LRRC7: variants seen among roughly 807,000 people sequenced by gnomAD.
LRRC7 encodes leucine rich repeat containing 7.
In LRRC7, 23 loss-of-function variants were observed where a neutral mutation model predicts 175.7. The ratio of observed to expected loss-of-function variants is 0.13; its 90% confidence interval spans 0.09 to 0.19. The LOEUF (loss-of-function observed/expected upper bound fraction) is 0.19. LRRC7 is among the 10% of genes least tolerant of loss of function. The pLI is 1.00. For synonymous variants in LRRC7, 685 were observed against 680.9 expected, an observed-to-expected ratio of 1.01 and a Z score of -0.09; for missense variants, 1,354 against 1,904.7, an observed-to-expected ratio of 0.71 and a Z score of 5.38.
intron 1 of LRRC7, among the ~76,000 whole-genome samples, chr1:69,658,697 A>G (rs1299194276): frequency 6.6e-6 from 1 of 152,102 alleles, no homozygotes; most frequent in African/African-American, 2.4e-5. Context: ...ACAAGAAACC[A>G]TAAAAGGAAC....
chr1:69,803,880 A>T (rs1676808687), intron 4 of LRRC7, among the ~76,000 whole-genome samples: 1 of 151,164 alleles, frequency 6.6e-6, no homozygotes, highest in African/African-American at 2.4e-5. Flanking sequence ...ACATTGTTTC[A>T]CACCATTTAT....
intron 3 of LRRC7, among the ~76,000 whole-genome samples, chr1:69,787,244 C>A (rs758722711): frequency 5.9e-5 from 9 of 152,344 alleles, no homozygotes; most frequent in Admixed American, 2.6e-4. Context: ...TACGGCCCCC[C>A]TCCCAGCTGC....
At chr1:69,696,625 C>G (rs1662624026) in intron 2 of LRRC7, among the ~76,000 whole-genome samples, 2 of 152,114 alleles carry the variant, frequency 1.3e-5, no homozygotes, top group African/African-American at 4.8e-5. Flanking sequence ...TGAAATGTGA[C>G]CTCCAGTGTT....
chr1:70,119,132 C>A lies in LRRC7; in HGVS notation c.4621-2648C>A, dbSNP rs75061363. Reference sequence around the variant, plus strand: ...TCTGCACATACTGTTACAGAATTTACCTGAAAAAAAAACAACTGTTAACAT... The same window carrying A: ...TCTGCACATACTGTTACAGAATTTAACTGAAAAAAAAACAACTGTTAACAT... On this transcript the variant is annotated intron_variant, in intron 26 of 26. Coordinates refer to ENST00000651989, the MANE Select transcript of LRRC7 (RefSeq NM_001370785.2). Among the ~76,000 whole-genome samples the A allele has an allele frequency of 2.9e-4, 44 of 151,292 alleles. 1 individual carries two copies. The East Asian group carries it at 8.5e-3, about 29-fold the overall frequency.
chr1:70,085,592 C>CTTTGGCATCA (rs1271599943), intron 24 of LRRC7, among the ~76,000 whole-genome samples: 1 of 152,000 alleles, frequency 6.6e-6, no homozygotes, highest in East Asian at 1.9e-4. Flanking sequence ...ATTGTTTGAT[C>CTTTGGCATCA]TTTGGCATCA....
chr1:70,068,986 T>A (rs1486522338), intron 23 of LRRC7, among the ~76,000 whole-genome samples: 5 of 152,224 alleles, frequency 3.3e-5, no homozygotes, highest in Non-Finnish European at 5.9e-5. Context: ...CATCTGGGCC[T>A]GGATATTTTT....
intron 8 of LRRC7, among the ~76,000 whole-genome samples, chr1:69,956,114 GA>G (rs1357064936): frequency 6.6e-6 from 1 of 151,884 alleles, no homozygotes; most frequent in Non-Finnish European, 1.5e-5. Flanking sequence ...TATGACCAAA[GA>G]AGTAGCTGAC....
chr1:69,916,077 A>T (rs1570636420), intron 7 of LRRC7, among the ~76,000 whole-genome samples: 1 of 2,332 alleles, frequency 4.3e-4, no homozygotes, highest in Non-Finnish European at 1.2e-3. Context: ...TATATATATA[A>T]TATATATATT....
At chr1:69,797,676 C>G (rs55775406) in intron 4 of LRRC7, among the ~76,000 whole-genome samples, 1 of 152,136 alleles carries the variant, frequency 6.6e-6, no homozygotes, top group Non-Finnish European at 1.5e-5. Context: ...AGCCTCCTAA[C>G]TGGTCTCATC....
chr1:69,599,508 T>C (rs1646969485), intron 1 of LRRC7, among the ~76,000 whole-genome samples: 1 of 152,216 alleles, frequency 6.6e-6, no homozygotes, highest in African/African-American at 2.4e-5. Context: ...TCATTATAAA[T>C]AAAATCTATA....
intron 8 of LRRC7, 123 bp downstream of exon 8, chr1:69,931,693 A>G: frequency 2.6e-6 from 2 of 776,968 alleles, no homozygotes; most frequent in Admixed American, 5.0e-5. Context: ...GTAAAAGTAA[A>G]AACCTGGAAG....
At chr1:69,761,614 T>C (rs1487575462) in intron 3 of LRRC7, among the ~76,000 whole-genome samples, 1 of 151,980 alleles carries the variant, frequency 6.6e-6, no homozygotes, top group African/African-American at 2.4e-5. Context: ...TTTTTAGAGG[T>C]AGGTCAGGCC....
chr1:69,795,477 A>C (rs1408795287), intron 4 of LRRC7, among the ~76,000 whole-genome samples: 1 of 152,200 alleles, frequency 6.6e-6, no homozygotes, highest in Non-Finnish European at 1.5e-5. Context: ...AAGAAAGAGT[A>C]GATAGCAAAA....
rs1253190580 is a variant in LRRC7, at chr1:70,125,698, A to G, written c.*3811A>G. Among the ~76,000 whole-genome samples, 4 of 145,102 alleles carry G rather than the reference A, an allele frequency of 2.8e-5. No individual in the cohort carries two copies. The highest frequency in any genetic ancestry group is 6.1e-5 in the Non-Finnish European group (4 of 66,026). ...TCCCAGCTACTTGGGAGGCTGAGGC[A>G]GGAGAATGGCGTGAACCCAGGAGGC... On this transcript the variant is annotated 3_prime_UTR_variant, in exon 27 of 27. Transcript: ENST00000651989.
chr1:69,851,690 A>G (rs1285182693), intron 7 of LRRC7, among the ~76,000 whole-genome samples: 3 of 152,206 alleles, frequency 2.0e-5, no homozygotes, highest in Non-Finnish European at 4.4e-5. Context: ...AAGAAAAAGC[A>G]TGAAAGAACT....
chr1:69,701,506 A>G (rs911093370), intron 2 of LRRC7, among the ~76,000 whole-genome samples: 3 of 152,068 alleles, frequency 2.0e-5, no homozygotes, highest in Non-Finnish European at 2.9e-5. Context: ...TTTAAAAAAA[A>G]CCATACACTT....
chr1:69,777,678 T>C (rs1217137036), intron 3 of LRRC7, among the ~76,000 whole-genome samples: 1 of 152,218 alleles, frequency 6.6e-6, no homozygotes, highest in East Asian at 1.9e-4. Flanking sequence ...TCATTTACTC[T>C]TTCTATTTGT....
intron 7 of LRRC7, among the ~76,000 whole-genome samples, chr1:69,904,858 T>G (rs1255853592): frequency 6.6e-6 from 1 of 152,122 alleles, no homozygotes; most frequent in Non-Finnish European, 1.5e-5. Flanking sequence ...TGGCGTCTGT[T>G]TCCTTTTTCT....
At chr1:69,963,057 C>G (rs2101848843) in intron 8 of LRRC7, among the ~76,000 whole-genome samples, 1 of 152,024 alleles carries the variant, frequency 6.6e-6, no homozygotes, top group Admixed American at 6.5e-5. Context: ...GTAATCCCAG[C>G]ACTTCGGGAG....
Sources: gnomAD v4.1 joint callset for allele counts (sites outside exome capture counted in the v4.1 genomes callset) on GRCh38, gnomAD v4.1.1 for gene constraint, MANE v1.5 for transcripts, NCBI Gene and HGNC (gene_info 2026-07-23, HGNC 2026-07-21) for gene names.